DGKB: variants seen among roughly 807,000 people sequenced by gnomAD.
The protein encoded by DGKB is diacylglycerol kinase beta, also known as 90 kDa diacylglycerol kinase.
A neutral mutation model predicts 114.3 loss-of-function variants in DGKB; 67 were observed. The observed-to-expected ratio is 0.59, with a 90% CI of 0.48 to 0.72. The LOEUF is 0.72. Ranked by LOEUF, DGKB falls within the 30% of genes least tolerant of loss-of-function variation. The probability of loss-of-function intolerance (pLI) is 0.00; values close to 1 mark genes in which losing one functional copy is unlikely to be tolerated. For synonymous variants in DGKB, 398 were observed against 323.1 expected (o/e 1.23, Z -2.49); for missense variants, 907 against 975.2 (o/e 0.93, Z 0.93).
chr7:14,187,504 T>G (rs577801676), intron 23 of DGKB, among the ~76,000 whole-genome samples: 1 of 151,966 alleles, frequency 6.6e-6, no homozygotes, highest in East Asian at 1.9e-4. Flanking sequence ...TGCCACAGAG[T>G]CCAACAACCA....
At chr7:14,646,737 G>A (rs1431270303) in intron 13 of DGKB, among the ~76,000 whole-genome samples, 1 of 150,916 alleles carries the variant, frequency 6.6e-6, no homozygotes, top group Non-Finnish European at 1.5e-5. Flanking sequence ...GCTCCTGAAT[G>A]ACAAACAGGT....
intron 2 of DGKB, among the ~76,000 whole-genome samples, chr7:14,801,927 C>CACACAT (rs1037097461): frequency 8.4e-6 from 1 of 118,746 alleles, no homozygotes; most frequent in Non-Finnish European, 1.7e-5. Context: ...TATACATATA[C>CACACAT]ACACACACAC....
At chr7:14,383,903 G>A (rs961309960) in intron 21 of DGKB, among the ~76,000 whole-genome samples, 1 of 152,196 alleles carries the variant, frequency 6.6e-6, no homozygotes, top group Non-Finnish European at 1.5e-5. Flanking sequence ...GGCACAGCCT[G>A]TCAACAGAGG....
chr7:14,903,640 C>T (rs943965891), upstream of DGKB, among the ~76,000 whole-genome samples: 7 of 152,114 alleles, frequency 4.6e-5, no homozygotes, highest in East Asian at 1.9e-4. Context: ...GGCTTGGTAA[C>T]CTCGGAGCAG....
At chr7:14,826,073 G>T (rs1562640520) in intron 2 of DGKB, among the ~76,000 whole-genome samples, 1 of 152,078 alleles carries the variant, frequency 6.6e-6, no homozygotes, top group African/African-American at 2.4e-5. Context: ...ACATCGCTCT[G>T]GGGCTTGCAC....
intron 6 of DGKB, among the ~76,000 whole-genome samples, chr7:14,702,901 T>C (rs1454970373): frequency 6.6e-6 from 1 of 152,226 alleles, no homozygotes; most frequent in Non-Finnish European, 1.5e-5. Flanking sequence ...CACTATAATA[T>C]TATATTTATT....
At chr7:14,454,509 C>T (rs139891222) in intron 21 of DGKB, among the ~76,000 whole-genome samples, 1,978 of 152,138 alleles carry the variant, frequency 0.013, 21 homozygotes, top group Non-Finnish European at 0.017. Context: ...GTAGCTTCCA[C>T]GTTCAGGAAT....
chr7:14,247,543 A>T lies in DGKB; in HGVS notation c.2123-69392T>A, dbSNP rs146581420. ...TAGTCTTTTTGATCATAGCCATTCT[A>T]AAAGGTGTGAGGTGATATCTCATTG... On this transcript the variant is annotated intron_variant, in intron 23 of 25. Transcript: ENST00000402815. Among the ~76,000 whole-genome samples the T allele has an allele frequency of 5.2e-4, 79 of 152,194 alleles. 2 individuals are homozygous for T. The East Asian group carries it at 0.013, about 25-fold the overall frequency.
chr7:14,872,015 C>T (rs1587065403), intron 1 of DGKB, among the ~76,000 whole-genome samples: 1 of 152,076 alleles, frequency 6.6e-6, no homozygotes, highest in Non-Finnish European at 1.5e-5. Flanking sequence ...AACCGGGATT[C>T]TCAGGAACAT....
chr7:14,199,167 T>C (rs7798897), intron 23 of DGKB, among the ~76,000 whole-genome samples: 61,567 of 151,796 alleles, frequency 0.41, 13,502 homozygotes, highest in African/African-American at 0.57. Flanking sequence ...ACTTTATGTA[T>C]AAGTAATAAA....
intron 21 of DGKB, among the ~76,000 whole-genome samples, chr7:14,463,426 T>C (rs1028446848): frequency 4.6e-5 from 7 of 152,080 alleles, no homozygotes; most frequent in Non-Finnish European, 8.8e-5. Flanking sequence ...TTTAAAATAA[T>C]GTATCAGGTT....
intron 21 of DGKB, among the ~76,000 whole-genome samples, chr7:14,425,485 A>G (rs1367777): frequency 0.27 from 40,528 of 151,958 alleles, 5,921 homozygotes; most frequent in East Asian, 0.49. Flanking sequence ...ATCAAATATA[A>G]TCCTGACATA....
At chr7:14,878,313 A>G (rs911087435) in intron 1 of DGKB, among the ~76,000 whole-genome samples, 1 of 152,186 alleles carries the variant, frequency 6.6e-6, no homozygotes, top group Non-Finnish European at 1.5e-5. Context: ...CTCTTTTGCA[A>G]TTGTTCTAAT....
chr7:14,877,107 G>T (rs1419957409), intron 1 of DGKB, among the ~76,000 whole-genome samples: 4 of 152,130 alleles, frequency 2.6e-5, no homozygotes, highest in Non-Finnish European at 5.9e-5. Context: ...ATATAACAAT[G>T]CTGAGATGCT....
Position 14,289,144 on chromosome 7 carries a change from G to A in DGKB, c.2122+49371C>T, listed in dbSNP as rs183223515. ...ACTATAGATTTGAAGGCAATTGATC[G>A]ACTTAATATTAAACTCAATATTTAG... On this transcript the variant is annotated intron_variant, in intron 23 of 25. Coordinates refer to ENST00000402815, the MANE Select transcript of DGKB (RefSeq NM_001350709.2). 1.7e-3 allele frequency among the ~76,000 whole-genome samples: 251 copies of A among 150,864 alleles called. 2 individuals carry two copies. Among genetic ancestry groups the A allele is most frequent in the Middle Eastern group, 3.4e-3 (1 of 294 alleles).
At chr7:14,491,357 T>G (rs1784574167) in intron 20 of DGKB, among the ~76,000 whole-genome samples, 1 of 152,052 alleles carries the variant, frequency 6.6e-6, no homozygotes. Flanking sequence ...CCTTTTACCT[T>G]CTGTCATGAT....
At chr7:14,511,470 G>A (rs1027852387) in intron 20 of DGKB, among the ~76,000 whole-genome samples, 2 of 152,152 alleles carry the variant, frequency 1.3e-5, no homozygotes, top group African/African-American at 4.8e-5. Context: ...AAGAGAGTTA[G>A]GGTCTTGCTC....
intron 2 of DGKB, among the ~76,000 whole-genome samples, chr7:14,787,105 A>T (rs1840013546): frequency 6.6e-6 from 1 of 152,088 alleles, no homozygotes; most frequent in African/African-American, 2.4e-5. Context: ...CACTCAATAG[A>T]GCACCTCTTC....
chr7:14,656,635 C>G (rs930673760), intron 13 of DGKB, among the ~76,000 whole-genome samples: 1 of 151,054 alleles, frequency 6.6e-6, no homozygotes, highest in South Asian at 2.1e-4. Context: ...TTTGGCTTTT[C>G]CATAAATCAT....
Sources: gnomAD v4.1 joint callset for allele counts (sites outside exome capture counted in the v4.1 genomes callset) on GRCh38, gnomAD v4.1.1 for gene constraint, MANE v1.5 for transcripts, NCBI Gene and HGNC (gene_info 2026-07-23, HGNC 2026-07-21) for gene names.